The following POLR3E variants were observed in gnomAD, a reference collection of about 807,000 sequenced individuals.
POLR3E encodes the protein RNA polymerase III subunit E.
A neutral mutation model predicts 96.6 loss-of-function variants in POLR3E; 41 were observed. The ratio of observed to expected loss-of-function variants is 0.42; its 90% CI spans 0.33 to 0.55. The LOEUF is 0.55. Among genes scored for constraint, POLR3E ranks in the 20% least tolerant of loss-of-function variants. The pLI, the probability that POLR3E is intolerant of heterozygous loss-of-function variation, is 0.06. For missense variants in POLR3E, 849 were observed against 952.1 expected, an observed-to-expected ratio of 0.89 and a Z score of 1.43; for synonymous variants, 396 against 383.6, an observed-to-expected ratio of 1.03 and a Z score of -0.38.
rs867943604 is a variant in POLR3E, at chr16:22,305,158, C to T, written c.39C>T (p.Ile13=). 7 of 1,612,404 alleles carry T rather than the reference C, an allele frequency of 4.3e-6. No homozygotes were observed. The highest frequency in any genetic ancestry group is 1.7e-5 in the Admixed American group (1 of 59,986). The part of the protein sequence containing the change: ...NEEDDPVVQE[I]DVYLAKSLAE... ...AAGTCGTCTTCCCTTCTTCCCAGAT[C>T]GATGTGTACTTGGCCAAGAGTCTGG... The change falls in exon 3 of 21, where the codon ATC becomes ATT. Residue 13 remains isoleucine, a splice_region_variant and synonymous_variant. Coordinates refer to ENST00000299853, the MANE Select transcript of POLR3E (RefSeq NM_018119.4).
intron 1 of POLR3E, chr16:22,298,882 A>ATTT (rs980507746): frequency 2.5e-6 from 1 of 398,638 alleles, no homozygotes; most frequent in African/African-American, 2.1e-5. Flanking sequence ...CCAGCACTGG[A>ATTT]TTTTTTTTTT....
intron 8 of POLR3E, among the ~76,000 whole-genome samples, chr16:22,314,335 C>A (rs1717260951): frequency 6.6e-6 from 1 of 152,136 alleles, no homozygotes; most frequent in Non-Finnish European, 1.5e-5. Flanking sequence ...GAGATGTGTG[C>A]CTGGGGCTTG....
At position 22,322,595 on chromosome 16, in the gene POLR3E, G is replaced by C. The variant is rs550507344; in HGVS notation, c.987-255G>C. 6.6e-6 allele frequency among the ~76,000 whole-genome samples: 1 copy of C among 152,140 alleles called. No individual in the cohort carries two copies. Among genetic ancestry groups the C allele is most frequent in the African/African-American group, 2.4e-5 (1 of 41,434 alleles). Reference sequence around the variant, plus strand: ...GTGACCTCTCCCTGAATGTGCAGGGGTCTTAGGATGAGGCTGGTGTGCATG... The same window carrying C: ...GTGACCTCTCCCTGAATGTGCAGGGCTCTTAGGATGAGGCTGGTGTGCATG... On this transcript the variant is annotated intron_variant, in intron 13 of 20. Transcript: ENST00000299853. This position sits in a 1 kb window ranked among gnomAD's most constrained non-coding sequence, Gnocchi z 5.2.
chr16:22,328,100 T>G, intron 18 of POLR3E: 1 of 175,828 alleles, frequency 5.7e-6, no homozygotes, highest in Admixed American at 5.9e-5. Context: ...ACCCCAAGAG[T>G]TATGGGGAAG....
chr16:22,309,554 G>T lies in POLR3E; in HGVS notation c.364+44G>T, dbSNP rs780176503. On this transcript the variant is annotated intron_variant, in intron 6 of 20. Transcript: ENST00000299853. Reference sequence around the variant, plus strand: ...CCCGCGGTGGGGACATGGCATTGGGGGGGGCTGGGCAGGGAGAGTACCTCC... The same window carrying T: ...CCCGCGGTGGGGACATGGCATTGGGTGGGGCTGGGCAGGGAGAGTACCTCC... The T allele has an allele frequency of 2.9e-6, 4 of 1,381,048 alleles. No homozygotes were observed. In the South Asian group the frequency reaches 4.6e-5, roughly 16 times the overall value. The allele number at this position is 1,381,048 out of a possible 1,614,324, so 85.5% of individuals were successfully genotyped here. A position where few individuals can be genotyped will look rare whatever the true frequency, so the allele number is the denominator to read the frequency against.
chr16:22,298,439 C>T (rs554677120), intron 1 of POLR3E, among the ~76,000 whole-genome samples: 6 of 152,332 alleles, frequency 3.9e-5, no homozygotes, highest in South Asian at 4.1e-4. Context: ...CCTGTCCTTA[C>T]TCCTTCCCCG....
At chr16:22,333,588 T>G in intron 20 of POLR3E, 56 bp from the exon 21 acceptor site, 1 of 1,155,080 alleles carries the variant, frequency 8.7e-7, no homozygotes. Context: ...GTGGACAGAA[T>G]GTAATTAGCT....
intron 6 of POLR3E, among the ~76,000 whole-genome samples, chr16:22,311,290 T>TA (rs1555481510): frequency 2.7e-5 from 4 of 149,562 alleles, no homozygotes; most frequent in Admixed American, 2.0e-4. Context: ...TTTTTTTTTT[T>TA]AATAAATTTA....
At chr16:22,307,871 G>A (rs998870881) in intron 3 of POLR3E, among the ~76,000 whole-genome samples, 5 of 152,146 alleles carry the variant, frequency 3.3e-5, no homozygotes, top group African/African-American at 7.2e-5. Flanking sequence ...GCAGCGTGCC[G>A]GTTTGGGTTC....
chr16:22,311,251 G>A (rs1434594395), intron 6 of POLR3E, among the ~76,000 whole-genome samples: 2 of 147,054 alleles, frequency 1.4e-5, no homozygotes, highest in East Asian at 4.1e-4. Context: ...TTATAGGCAT[G>A]AGCCACTGTG....
chr16:22,299,986 AT>A (rs1204758354), intron 1 of POLR3E, among the ~76,000 whole-genome samples: 1 of 152,140 alleles, frequency 6.6e-6, no homozygotes, highest in African/African-American at 2.4e-5. Context: ...AAGTGTTGGG[AT>A]TACCGGCATG....
At chr16:22,317,358 GAT>G in intron 12 of POLR3E, 152 bp downstream of exon 12, 1 of 643,668 alleles carries the variant, frequency 1.6e-6, no homozygotes, top group Non-Finnish European at 2.7e-6. Context: ...TGTCTGGAAA[GAT>G]AACGCAGGAC....
chr16:22,317,245 C>G (rs1236648192), intron 12 of POLR3E, 39 bp downstream of exon 12: 3 of 1,443,838 alleles, frequency 2.1e-6, no homozygotes, highest in Admixed American at 1.7e-5. Context: ...GGCCCCAGTC[C>G]CAGTGGCTCC....
rs543444733 is a variant in POLR3E at position 22,332,363 on chromosome 16, G to C, written c.2070+178G>C. Among the ~76,000 whole-genome samples, 12 of 152,244 alleles carry C rather than the reference G, an allele frequency of 7.9e-5. No individual in the cohort carries two copies. In the East Asian group the frequency reaches 2.3e-3, roughly 29 times the overall value. ...GATTGATTGGCATTGGTTGGGGAAGGGGGTATGTGCCAGAGGACTGACCCC... is the reference window on the plus strand; with the variant it reads ...GATTGATTGGCATTGGTTGGGGAAGCGGGTATGTGCCAGAGGACTGACCCC... On this transcript the variant is annotated intron_variant, in intron 20 of 20. Coordinates refer to ENST00000299853, the MANE Select transcript of POLR3E (RefSeq NM_018119.4).
intron 10 of POLR3E, 87 bp from the exon 11 acceptor site, chr16:22,316,908 C>G: frequency 6.9e-7 from 1 of 1,453,224 alleles, no homozygotes; most frequent in Non-Finnish European, 9.7e-7. Context: ...TGTCTGCACC[C>G]TCTCCCCAGA....
chr16:22,328,353 G>A, intron 18 of POLR3E, 157 bp from the exon 19 acceptor site: 1 of 656,964 alleles, frequency 1.5e-6, no homozygotes, highest in Non-Finnish European at 2.8e-6. Flanking sequence ...GCACAGGTTT[G>A]TGGCTGCCCA....
rs772539827 is a variant in POLR3E at position 22,317,071 on chromosome 16, T to C, written c.773+32T>C. 1.3e-4 allele frequency: 203 copies of C among 1,613,728 alleles called. 5 individuals carry two copies. The South Asian group carries it at 1.4e-3, about 12-fold the overall frequency. On this transcript the variant is annotated intron_variant, in intron 11 of 20. Coordinates refer to ENST00000299853, the MANE Select transcript of POLR3E (RefSeq NM_018119.4). The stretch of plus-strand genomic sequence containing the variant: ...AGAGGCGGCAGGACACCCTCTCCCT[T>C]TCCGGGCTGGCTGCCTCTAACCCGT...
rs1454643460 is a variant in POLR3E at position 22,315,134 on chromosome 16, G to A, written c.568G>A (p.Val190Met). 3.1e-6 allele frequency: 5 copies of A among 1,613,198 alleles called. No homozygotes were observed. Among genetic ancestry groups the A allele is most frequent in the Non-Finnish European group, 4.2e-6 (5 of 1,179,658 alleles). ...GTCAGAGCAGGCCCGCCAGCGCCGT[G>A]TGCAGTCCTATGAGTTCCTGCAGAA... ...PESEQARQRR[V>M]QSYEFLQKKH... The change falls in exon 9 of 21, where the codon GTG (valine) becomes ATG (methionine). Residue 190 changes from valine to methionine, a missense_variant. Transcript: ENST00000299853.
chr16:22,313,381 G>A lies in POLR3E; in HGVS notation c.365-239G>A, dbSNP rs1453744579. On this transcript the variant is annotated intron_variant, in intron 6 of 20. Transcript: ENST00000299853. The surrounding 1 kb of genome is among the most constrained non-coding windows in gnomAD (Gnocchi z 4.1). ...AGGTGGGACTGAAGGAAGTGGCTTC[G>A]AACAGAAGAGTCCAGGTTCCTGTCC... is the stretch of plus-strand genomic sequence containing the variant. Among the ~76,000 whole-genome samples, 3 of 152,094 alleles carry A rather than the reference G, an allele frequency of 2.0e-5. No homozygotes were observed. The highest frequency in any genetic ancestry group is 2.9e-5 in the Non-Finnish European group (2 of 68,008).
Sources: gnomAD v4.1 joint callset for allele counts (sites outside exome capture counted in the v4.1 genomes callset) on GRCh38, gnomAD v4.1.1 for gene constraint, Gnocchi (gnomAD v3.1) non-coding constraint, MANE v1.5 for transcripts, NCBI Gene and HGNC (gene_info 2026-07-23, HGNC 2026-07-21) for gene names.